BMP7: variants seen among roughly 807,000 people sequenced by gnomAD.
The protein encoded by BMP7 is bone morphogenetic protein 7, also known as osteogenic protein 1.
A neutral mutation model predicts 41.2 loss-of-function variants in BMP7; 12 were observed. That is an observed-to-expected ratio of 0.29 (90% CI 0.19 to 0.47). The LOEUF (loss-of-function observed/expected upper bound fraction) is 0.47, where lower values mean the gene tolerates loss of function less well. BMP7 is among the 20% of genes least tolerant of loss of function. The probability of loss-of-function intolerance (pLI) is 0.99; values close to 1 mark genes in which losing one functional copy is unlikely to be tolerated. For synonymous variants in BMP7, 248 were observed against 250.0 expected (o/e 0.99, Z 0.07); for missense variants, 467 against 606.0 (o/e 0.77, Z 2.41).
intron 4 of BMP7, among the ~76,000 whole-genome samples, chr20:57,180,459 GCC>G (rs1048365847): frequency 6.6e-6 from 1 of 152,070 alleles, no homozygotes; most frequent in African/African-American, 2.4e-5. Context: ...CAGCTCGCTC[GCC>G]ACGAAATGTT....
At chr20:57,222,481 T>C (rs1210253180) in intron 2 of BMP7, among the ~76,000 whole-genome samples, 1 of 151,948 alleles carries the variant, frequency 6.6e-6, no homozygotes, top group Non-Finnish European at 1.5e-5. Context: ...TGCAGATCCA[T>C]GAGAGGACCC....
chr20:57,208,689 T>G (rs1019002550), intron 2 of BMP7, among the ~76,000 whole-genome samples: 1 of 152,150 alleles, frequency 6.6e-6, no homozygotes, highest in African/African-American at 2.4e-5. Context: ...AAAGTGTCCA[T>G]CAACTCATGA....
intron 1 of BMP7, among the ~76,000 whole-genome samples, chr20:57,249,093 G>T (rs6127981): frequency 0.16 from 24,013 of 151,940 alleles, 2,097 homozygotes; most frequent in Admixed American, 0.23. Context: ...GAGCCACCAC[G>T]CCCGGCTGAC....
At position 57,184,060 on chromosome 20, in the gene BMP7, C is replaced by T. The variant is rs1006660679; in HGVS notation, c.761-141G>A. The T allele has an allele frequency of 6.0e-6, 6 of 1,003,558 alleles. No individual in the cohort carries two copies. The African/African-American group carries it at 8.0e-5, about 13-fold the overall frequency. The allele number at this position is 1,003,558 out of a possible 1,614,324, so 62.2% of individuals were successfully genotyped here. On this transcript the variant is annotated intron_variant, in intron 3 of 6. Transcript: ENST00000395863. ...CCAGTAAGTATTTATTGAGTACTCACTCTAGGCCAGGTACTGTTTAAGGAA... is the reference window on the plus strand; with the variant it reads ...CCAGTAAGTATTTATTGAGTACTCATTCTAGGCCAGGTACTGTTTAAGGAA...
chr20:57,178,290 G>T (rs575909413), intron 4 of BMP7, among the ~76,000 whole-genome samples: 122 of 152,340 alleles, frequency 8.0e-4, no homozygotes, highest in African/African-American at 2.9e-3. Flanking sequence ...AGCCTGGCAA[G>T]GAATGAGGAA....
chr20:57,256,512 T>A (rs1174079150), intron 1 of BMP7, among the ~76,000 whole-genome samples: 1 of 152,204 alleles, frequency 6.6e-6, no homozygotes, highest in African/African-American at 2.4e-5. Context: ...CTTTGGCCCA[T>A]GAAATGTGAG....
rs80162904 is a variant in BMP7, at chr20:57,182,477, G to C, written c.958+1245C>G. Among the ~76,000 whole-genome samples, 1,114 of 152,374 alleles carry C rather than the reference G, an allele frequency of 7.3e-3. 6 individuals carry two copies. The highest frequency in any genetic ancestry group is 0.01 in the Non-Finnish European group (699 of 68,028). ...CCTGTGGGGGCTCCACGAATGCCTG[G>C]TGAATTGTCAGAAAGCACCCAATGG... On this transcript the variant is annotated intron_variant, in intron 4 of 6. Coordinates refer to ENST00000395863, the MANE Select transcript of BMP7 (RefSeq NM_001719.3).
intron 3 of BMP7, among the ~76,000 whole-genome samples, chr20:57,191,924 T>C (rs1438604371): frequency 2.3e-5 from 3 of 132,388 alleles, no homozygotes; most frequent in Admixed American, 8.2e-5. Flanking sequence ...ATATTATATA[T>C]TTTCTATTAT....
intron 1 of BMP7, among the ~76,000 whole-genome samples, chr20:57,251,279 T>C (rs1340248575): frequency 6.6e-6 from 1 of 151,974 alleles, no homozygotes; most frequent in Non-Finnish European, 1.5e-5. Context: ...AGACCCAGGG[T>C]TTAACAACCT....
intron 1 of BMP7, among the ~76,000 whole-genome samples, chr20:57,256,864 G>C (rs2066136141): frequency 2.6e-5 from 4 of 151,608 alleles, no homozygotes. Flanking sequence ...CTCCAGCCTG[G>C]GCAACAAAAG....
rs1985266131 is a variant in BMP7, at chr20:57,224,688, CT to C, written c.611+3540del. Reference sequence around the variant, plus strand: ...TGGGGTTCAGAAAATGAGGATAAGACTCCGATCCTTTCGCAGCCCCCTCTCA... The same window carrying C: ...TGGGGTTCAGAAAATGAGGATAAGACCCGATCCTTTCGCAGCCCCCTCTCA... On this transcript the variant is annotated intron_variant, in intron 2 of 6. Coordinates refer to ENST00000395863, the MANE Select transcript of BMP7 (RefSeq NM_001719.3). The surrounding 1 kb of genome is among the most constrained non-coding windows in gnomAD (Gnocchi z 4.8). 6.6e-6 allele frequency: 1 copy of C among 152,378 alleles called. No homozygotes were observed. The highest frequency in any genetic ancestry group is 1.5e-5 in the Non-Finnish European group (1 of 68,156). 9.4% of individuals were successfully genotyped at this position (152,378 alleles called of 1,614,324 possible).
At chr20:57,196,194 G>A (rs539566712) in intron 3 of BMP7, among the ~76,000 whole-genome samples, 119 of 152,286 alleles carry the variant, frequency 7.8e-4, no homozygotes, top group African/African-American at 2.6e-3. Context: ...CTGCAAGGAC[G>A]ACAGTCTCCC....
At chr20:57,237,502 T>C (rs2066052381) in intron 1 of BMP7, among the ~76,000 whole-genome samples, 1 of 152,238 alleles carries the variant, frequency 6.6e-6, no homozygotes, top group African/African-American at 2.4e-5. Flanking sequence ...AATTTGATGA[T>C]GGCTCTTCAT....
chr20:57,173,069 G>A (rs1395088239), intron 6 of BMP7, 131 bp downstream of exon 6: 1 of 953,994 alleles, frequency 1.0e-6, no homozygotes, highest in East Asian at 2.6e-5. Context: ...ACGGCGCAAG[G>A]GGCCCCCAAA....
intron 1 of BMP7, among the ~76,000 whole-genome samples, chr20:57,243,666 C>A (rs557725506): frequency 2.6e-5 from 4 of 152,252 alleles, no homozygotes; most frequent in Admixed American, 2.6e-4. Flanking sequence ...TGGTATCCTG[C>A]TGGTAATTGT....
chr20:57,219,823 G>A lies in BMP7; in HGVS notation c.611+8406C>T, dbSNP rs541520326. On this transcript the variant is annotated intron_variant, in intron 2 of 6. Coordinates refer to ENST00000395863, the MANE Select transcript of BMP7 (RefSeq NM_001719.3). ...TCCCCACTGCCCGATGCTCCTAAAG[G>A]CCTTTCCTGGAAACACTTTCTAATC... Among the ~76,000 whole-genome samples, 10 of 152,224 alleles carry A rather than the reference G, an allele frequency of 6.6e-5. No individual in the cohort carries two copies. In the East Asian group the frequency reaches 1.9e-3, roughly 29 times the overall value.
chr20:57,241,776 G>A (rs2066070774), intron 1 of BMP7, among the ~76,000 whole-genome samples: 1 of 152,210 alleles, frequency 6.6e-6, no homozygotes, highest in South Asian at 2.1e-4. Context: ...GGGAATGATT[G>A]TACCACAAGA....
At chr20:57,234,425 G>A (rs774861038) in intron 1 of BMP7, among the ~76,000 whole-genome samples, 2 of 152,206 alleles carry the variant, frequency 1.3e-5, no homozygotes, top group Non-Finnish European at 2.9e-5. Context: ...TGAGGAGAGA[G>A]ACCTGCTGGG....
chr20:57,236,797 TG>T (rs2066049524), intron 1 of BMP7, among the ~76,000 whole-genome samples: 1 of 150,192 alleles, frequency 6.7e-6, no homozygotes, highest in Non-Finnish European at 1.5e-5. Context: ...AGCAAGACTG[TG>T]GCCAGTTGCA....
Sources: allele counts gnomAD v4.1 joint callset (sites outside exome capture counted in the v4.1 genomes callset), GRCh38; gene constraint gnomAD v4.1.1; non-coding constraint Gnocchi (gnomAD v3.1); transcripts MANE v1.5; gene names NCBI Gene and HGNC (gene_info 2026-07-23, HGNC 2026-07-21).